CRTAM: variants seen among roughly 807,000 people sequenced by gnomAD.
CRTAM encodes the protein cytotoxic and regulatory T cell molecule.
A neutral mutation model predicts 50.0 loss-of-function variants in CRTAM; 44 were observed. The observed-to-expected ratio is 0.88, with a 90% CI of 0.69 to 1.13. CRTAM has a LOEUF of 1.13. Among genes scored for constraint, CRTAM ranks in the 50% most tolerant of loss-of-function variants. CRTAM has a pLI of 0.00. For missense variants in CRTAM, 448 were observed against 457.5 expected (o/e 0.98, Z 0.19); for synonymous variants, 159 against 169.3 (o/e 0.94, Z 0.47).
Position 122,851,786 on chromosome 11 carries a change from A to G in CRTAM, c.287A>G (p.Tyr96Cys), listed in dbSNP as rs1861933526. 1.2e-6 allele frequency: 2 copies of G among 1,614,202 alleles called. No individual in the cohort carries two copies. Among genetic ancestry groups the G allele is most frequent in the Non-Finnish European group, 1.7e-6 (2 of 1,180,012 alleles). ...PNVTLQDEGV[Y>C]KCLHYSDSVS... ...GTAACCCTGCAAGATGAAGGCGTGTACAAGTGCTTACATTACAGCGACTCT... is the reference window on the plus strand; with the variant it reads ...GTAACCCTGCAAGATGAAGGCGTGTGCAAGTGCTTACATTACAGCGACTCT... The change falls in exon 3 of 10, where the codon TAC becomes TGC. Residue 96 changes from tyrosine (Y) to cysteine (C), a missense_variant. Tyr to Cys is a radical substitution (Grantham distance 194, BLOSUM62 -2). Transcript: ENST00000227348.
At chr11:122,851,266 TAAAA>T (rs11287824) in intron 2 of CRTAM, among the ~76,000 whole-genome samples, 2 of 138,664 alleles carry the variant, frequency 1.4e-5, no homozygotes, top group Non-Finnish European at 3.1e-5. Context: ...ACTCTGTCTC[TAAAA>T]AAAAAAAAAA....
chr11:122,868,188 A>ATGTGTG (rs58440037), intron 9 of CRTAM, 89 bp downstream of exon 9: 13,565 of 438,540 alleles, frequency 0.031, 301 homozygotes, highest in African/African-American at 0.04. Context: ...ACAACAGAAT[A>ATGTGTG]TGTGTGTGTG....
chr11:122,870,543 G>A (rs1323432508), intron 9 of CRTAM, among the ~76,000 whole-genome samples: 2 of 152,112 alleles, frequency 1.3e-5, no homozygotes, highest in Non-Finnish European at 2.9e-5. Context: ...TTTTAATTGT[G>A]TTGTTTTGGA....
Position 122,862,451 on chromosome 11 carries a change from T to A in CRTAM, c.653-13T>A. 1.3e-6 allele frequency: 2 copies of A among 1,593,126 alleles called. No homozygotes were observed. The highest frequency in any genetic ancestry group is 8.6e-7 in the Non-Finnish European group (1 of 1,160,802). On this transcript the variant is annotated splice_polypyrimidine_tract_variant and intron_variant, in intron 5 of 9. Coordinates refer to ENST00000227348, the MANE Select transcript of CRTAM (RefSeq NM_019604.4). ...CTCTATAGTAGCAGAATTTTGTTTT[T>A]CCCCTTTCCTAGTTACTGATGAAGA...
intron 1 of CRTAM, among the ~76,000 whole-genome samples, chr11:122,844,235 A>G (rs1049130390): frequency 1.3e-5 from 2 of 152,194 alleles, no homozygotes; most frequent in Non-Finnish European, 2.9e-5. Context: ...TAAGGGTTAA[A>G]TTATACTATT....
At chr11:122,852,873 G>A (rs1252316806) in intron 3 of CRTAM, among the ~76,000 whole-genome samples, 1 of 152,110 alleles carries the variant, frequency 6.6e-6, no homozygotes, top group East Asian at 1.9e-4. Context: ...CACATCTAAT[G>A]TATATTTGGA....
chr11:122,854,158 A>T, intron 4 of CRTAM, 72 bp downstream of exon 4: 12 of 1,511,752 alleles, frequency 7.9e-6, no homozygotes, highest in Non-Finnish European at 1.1e-5. Flanking sequence ...ATGTTTTGGC[A>T]CCCTCTAGTG....
At chr11:122,847,707 C>T (rs1861881867) in intron 1 of CRTAM, among the ~76,000 whole-genome samples, 1 of 152,216 alleles carries the variant, frequency 6.6e-6, no homozygotes, top group Admixed American at 6.5e-5. Flanking sequence ...TCCCCTGTCC[C>T]ATGCAAAGGG....
chr11:122,859,501 T>C (rs1372961561), intron 5 of CRTAM, among the ~76,000 whole-genome samples: 1 of 152,100 alleles, frequency 6.6e-6, no homozygotes, highest in Non-Finnish European at 1.5e-5. Context: ...ATTTTGAAAA[T>C]CTCATAAATG....
intron 5 of CRTAM, among the ~76,000 whole-genome samples, chr11:122,858,913 C>A (rs1406646184): frequency 6.6e-6 from 1 of 152,062 alleles, no homozygotes; most frequent in African/African-American, 2.4e-5. Context: ...ATTTGAAAAA[C>A]AGTTCTCAAA....
intron 6 of CRTAM, among the ~76,000 whole-genome samples, chr11:122,864,321 T>A (rs1216100891): frequency 6.6e-6 from 1 of 152,230 alleles, no homozygotes; most frequent in Non-Finnish European, 1.5e-5. Flanking sequence ...GCTACAGGAC[T>A]TTAGGTACTT....
chr11:122,842,698 C>G (rs901401067), intron 1 of CRTAM, among the ~76,000 whole-genome samples: 1 of 152,190 alleles, frequency 6.6e-6, no homozygotes, highest in Non-Finnish European at 1.5e-5. Flanking sequence ...GAGTCCTTAA[C>G]TAAGGCAGCA....
At chr11:122,842,181 G>A (rs779556724) in intron 1 of CRTAM, among the ~76,000 whole-genome samples, 4 of 152,188 alleles carry the variant, frequency 2.6e-5, no homozygotes, top group Non-Finnish European at 4.4e-5. Flanking sequence ...CAAGTCGGCT[G>A]GAATTTGGGC....
chr11:122,852,770 A>G (rs1333503651), intron 3 of CRTAM, among the ~76,000 whole-genome samples: 1 of 152,144 alleles, frequency 6.6e-6, no homozygotes, highest in African/African-American at 2.4e-5. Flanking sequence ...CTCAACACAT[A>G]ATCTTTTCAT....
In CRTAM at chr11:122,871,461, C is replaced by T. The variant is rs1300734638; in HGVS notation, c.*62C>T. On this transcript the variant is annotated 3_prime_UTR_variant, in exon 10 of 10. Transcript: ENST00000227348. ...CGCAGTGTCACCTCAGTGGACCAGC[C>T]TGGGGGAAGGAGCTTAATTGCTGAG... 2 of 1,485,118 alleles carry T rather than the reference C, an allele frequency of 1.3e-6. No homozygotes were observed. Among genetic ancestry groups the T allele is most frequent in the Admixed American group, 3.9e-5 (2 of 51,886 alleles). 92.0% of individuals were successfully genotyped at this position (1,485,118 alleles called of 1,614,324 possible).
At position 122,871,460 on chromosome 11, in the gene CRTAM, C is replaced by G; in HGVS notation, c.*61C>G. On this transcript the variant is annotated 3_prime_UTR_variant, in exon 10 of 10. Transcript: ENST00000227348. ...CCGCAGTGTCACCTCAGTGGACCAG[C>G]CTGGGGGAAGGAGCTTAATTGCTGA... The G allele has an allele frequency of 6.7e-7, 1 of 1,491,370 alleles. No individual in the cohort carries two copies. Among genetic ancestry groups the G allele is most frequent in the Non-Finnish European group, 9.1e-7 (1 of 1,095,558 alleles). The allele number at this position is 1,491,370 out of a possible 1,614,324, so 92.4% of individuals were successfully genotyped here.
In CRTAM at chr11:122,861,420, A is replaced by ATT. The variant is rs66619023; in HGVS notation, c.653-1015_653-1014dup. On this transcript the variant is annotated intron_variant, in intron 5 of 9. Transcript: ENST00000227348. Reference sequence around the variant, plus strand: ...TATATATATATATATATATATATATATTTTTTTTTTTTTTTTTTTTTTTTT... The same window carrying ATT: ...TATATATATATATATATATATATATATTTTTTTTTTTTTTTTTTTTTTTTTTT... Among the ~76,000 whole-genome samples, 248 of 25,560 alleles carry ATT rather than the reference A, an allele frequency of 9.7e-3. 9 individuals are homozygous for ATT. Among genetic ancestry groups the ATT allele is most frequent in the Non-Finnish European group, 0.013 (192 of 14,668 alleles). 16.8% of individuals were successfully genotyped at this position (25,560 alleles called of 152,430 possible).
chr11:122,839,083 C>T (rs1861768680), intron 1 of CRTAM, among the ~76,000 whole-genome samples: 3 of 152,106 alleles, frequency 2.0e-5, no homozygotes. Context: ...TGCCCGCCAC[C>T]ACCACGCCCG....
In CRTAM at chr11:122,850,066, A is replaced by C; in HGVS notation, c.47-2A>C. 6.2e-7 allele frequency: 1 copy of C among 1,601,494 alleles called. No individual in the cohort carries two copies. The highest frequency in any genetic ancestry group is 1.3e-5 in the African/African-American group (1 of 74,804). The stretch of plus-strand genomic sequence containing the variant: ...ATCATCCCCATTTCTCTTCCTCCAC[A>C]GAGGCCTCTCTGACTAACCACACAG... On this transcript the variant is annotated splice_acceptor_variant, in intron 1 of 9. Coordinates refer to ENST00000227348, the MANE Select transcript of CRTAM (RefSeq NM_019604.4). LOFTEE classifies it high-confidence loss of function.
Sources: allele counts gnomAD v4.1 joint callset (sites outside exome capture counted in the v4.1 genomes callset), GRCh38; gene constraint gnomAD v4.1.1; transcripts MANE v1.5; gene names NCBI Gene and HGNC (gene_info 2026-07-23, HGNC 2026-07-21).